NPRL3: variants seen among roughly 807,000 people sequenced by gnomAD.
The protein encoded by NPRL3 is NPR3 like, GATOR1 complex subunit.
Under a neutral mutation model 57.2 loss-of-function variants are expected in NPRL3, and 23 were observed. That is an observed-to-expected ratio of 0.40 (90% CI 0.29 to 0.57). The LOEUF (loss-of-function observed/expected upper bound fraction) is 0.57. Ranked by LOEUF, NPRL3 falls within the 20% of genes least tolerant of loss-of-function variation. NPRL3 has a pLI of 0.42. For synonymous variants in NPRL3, 333 were observed against 321.1 expected, an observed-to-expected ratio of 1.04 and a Z score of -0.39; for missense variants, 691 against 767.1, an observed-to-expected ratio of 0.90 and a Z score of 1.17.
intron 5 of NPRL3, among the ~76,000 whole-genome samples, chr16:114,812 T>C (rs908672338): frequency 1.3e-5 from 2 of 151,982 alleles, no homozygotes; most frequent in Non-Finnish European, 2.9e-5. Flanking sequence ...CTGAAGTATG[T>C]AGGGATGAAC....
At chr16:108,788 A>G (rs1899646416) in intron 7 of NPRL3, among the ~76,000 whole-genome samples, 1 of 152,012 alleles carries the variant, frequency 6.6e-6, no homozygotes, top group Non-Finnish European at 1.5e-5. Context: ...CTTCTGCCTC[A>G]GCCTCCTGAG....
At chr16:134,764 C>T (rs969388526) in intron 2 of NPRL3, among the ~76,000 whole-genome samples, 1 of 139,440 alleles carries the variant, frequency 7.2e-6, no homozygotes, top group South Asian at 2.3e-4. Context: ...TGCAGTGGCG[C>T]GATCTCGGCT....
rs1250640658 is a variant in NPRL3, at chr16:93,234, T to C, written c.1016A>G (p.Asn339Ser). 5.1e-6 allele frequency: 8 copies of C among 1,553,638 alleles called. No individual in the cohort carries two copies. In the East Asian group the frequency reaches 1.2e-4, roughly 24 times the overall value. Reference sequence around the variant, plus strand: ...CAGCACTCACAGACATACGCTGGCATTGGGAGACAGCATGTAGACGTTGTT... The same window carrying C: ...CAGCACTCACAGACATACGCTGGCACTGGGAGACAGCATGTAGACGTTGTT... ...CENNVYMLSPNASVCLYSPLA... is the reference protein window; with the variant it reads ...CENNVYMLSPSASVCLYSPLA... The change falls in exon 10 of 14, where the codon AAT becomes AGT. Residue 339 changes from asparagine to serine, a missense_variant. Physicochemically the swap from Asn to Ser is conservative, Grantham distance 46 (BLOSUM62 1). Coordinates refer to ENST00000611875, the MANE Select transcript of NPRL3 (RefSeq NM_001077350.3).
At position 93,270 on chromosome 16, in the gene NPRL3, G is replaced by A. The variant is rs1898841618; in HGVS notation, c.980C>T (p.Pro327Leu). Residue 327 changes from proline (P) to leucine (L), a missense_variant, in exon 10 of 14, where the codon CCG (proline) becomes CTG (leucine). Coordinates refer to ENST00000611875, the MANE Select transcript of NPRL3 (RefSeq NM_001077350.3). ...VYWGKAIIIY[P>L]LCENNVYMLS... ...CATGTAGACGTTGTTCTCACACAGC[G>A]GGTAGATGATGATGGCCTTGCCCCA... 6.4e-7 allele frequency: 1 copy of A among 1,561,286 alleles called. No individual in the cohort carries two copies. The highest frequency in any genetic ancestry group is 8.7e-7 in the Non-Finnish European group (1 of 1,152,588).
intron 6 of NPRL3, 107 bp from the exon 7 acceptor site, chr16:110,713 A>G (rs906348820): frequency 1.1e-6 from 1 of 875,182 alleles, no homozygotes. Flanking sequence ...ATGTCTGGCT[A>G]ATTTTTTTGT....
intron 10 of NPRL3, 22 bp downstream of exon 10, chr16:93,197 T>G (rs1226362560): frequency 6.7e-7 from 1 of 1,486,888 alleles, no homozygotes; most frequent in South Asian, 1.2e-5. Flanking sequence ...GGCTCCAGGC[T>G]CTGGCAGCCA....
At chr16:130,663 C>G (rs1280650662) in intron 2 of NPRL3, 72 bp from the exon 3 acceptor site, 11 of 1,406,312 alleles carry the variant, frequency 7.8e-6, no homozygotes, top group East Asian at 5.0e-5. Context: ...GTTATGGAAC[C>G]GTTAACAGCC....
In NPRL3 at chr16:117,310, A is replaced by G. The variant is rs779627025; in HGVS notation, c.384T>C (p.Phe128=). 2.5e-6 allele frequency: 4 copies of G among 1,610,516 alleles called. No individual in the cohort carries two copies. In the African/African-American group the frequency reaches 4.0e-5, roughly 16 times the overall value. ...APTMILFNVV[F]ALRANADPSV... is the part of the protein sequence containing the mutation. ...TTATATAAACACTCACCCTCAGTGC[A>G]AACACCACATTAAAAAGAATCATAG... The change falls in exon 5 of 14, where the codon TTT becomes TTC. Residue 128 remains phenylalanine, a synonymous_variant. Coordinates refer to ENST00000611875, the MANE Select transcript of NPRL3 (RefSeq NM_001077350.3).
Position 86,590 on chromosome 16 carries a change from C to G in NPRL3, c.*115G>C. ...GGGCCACGGCCAGCCCGCATCCACC[C>G]AATGCCAGGCCTCAGGGCCAAGAGG... On this transcript the variant is annotated 3_prime_UTR_variant, in exon 14 of 14. Transcript: ENST00000611875. 9.1e-7 allele frequency: 1 copy of G among 1,095,638 alleles called. No individual in the cohort carries two copies. Among genetic ancestry groups the G allele is most frequent in the Non-Finnish European group, 1.3e-6 (1 of 780,690 alleles). The allele number at this position is 1,095,638 out of a possible 1,614,324, so 67.9% of individuals were successfully genotyped here. A position where few individuals can be genotyped will look rare whatever the true frequency, so the allele number is the denominator to read the frequency against.
At chr16:136,417 C>T (rs937464983) in intron 2 of NPRL3, among the ~76,000 whole-genome samples, 3 of 152,242 alleles carry the variant, frequency 2.0e-5, no homozygotes, top group Non-Finnish European at 4.4e-5. Flanking sequence ...AGGCTGGGCG[C>T]GGTGGCTCAC....
chr16:105,394 A>G (rs529923918), intron 7 of NPRL3, among the ~76,000 whole-genome samples: 45 of 152,312 alleles, frequency 3.0e-4, no homozygotes, highest in Non-Finnish European at 5.6e-4. Flanking sequence ...GCTTCCTACC[A>G]TAAGTAGTGG....
chr16:138,117 C>A, intron 2 of NPRL3, 33 bp downstream of exon 2: 1 of 1,528,046 alleles, frequency 6.5e-7, no homozygotes, highest in East Asian at 2.4e-5. Context: ...GCGGCCCCCG[C>A]GAGCGCCAGG....
chr16:89,540 G>A (rs1364639626), intron 12 of NPRL3, 173 bp downstream of exon 12: 6 of 582,510 alleles, frequency 1.0e-5, no homozygotes, highest in South Asian at 2.7e-5. Flanking sequence ...CAGAGTCACG[G>A]TGGTGCTAGG....
rs1899224596 is a variant in NPRL3, at chr16:100,362, G to A, written c.767+10C>T. ...TGGCAGGGAGTGAGCACGTGGGGCT[G>A]GGCACTTACCGGATGGCTTTCAGGC... is the stretch of plus-strand genomic sequence containing the variant. On this transcript the variant is annotated intron_variant, in intron 8 of 13. Transcript: ENST00000611875. 1.3e-6 allele frequency: 2 copies of A among 1,518,616 alleles called. No homozygotes were observed. The highest frequency in any genetic ancestry group is 2.2e-5 in the Admixed American group (1 of 45,894). The allele number at this position is 1,518,616 out of a possible 1,614,324, so 94.1% of individuals were successfully genotyped here.
At chr16:89,986 G>A in intron 11 of NPRL3, 84 bp from the exon 12 acceptor site, 1 of 1,292,508 alleles carries the variant, frequency 7.7e-7, no homozygotes, top group East Asian at 2.7e-5. Context: ...CCCTAGACAT[G>A]GCCACAGCAC....
intron 5 of NPRL3, among the ~76,000 whole-genome samples, chr16:116,255 G>A (rs563347616): frequency 6.6e-6 from 1 of 152,262 alleles, no homozygotes; most frequent in South Asian, 2.1e-4. Context: ...TGTCCCACAG[G>A]GGTTATCGGT....
intron 12 of NPRL3, 56 bp downstream of exon 12, chr16:89,657 G>T: frequency 7.0e-7 from 1 of 1,423,050 alleles, no homozygotes; most frequent in Non-Finnish European, 9.2e-7. Context: ...GAGCCTCCTG[G>T]ATGCCACCCC....
chr16:117,354 G>T lies in NPRL3; in HGVS notation c.340C>A (p.Pro114Thr). The T allele has an allele frequency of 6.2e-7, 1 of 1,610,994 alleles. No homozygotes were observed. Among genetic ancestry groups the T allele is most frequent in the East Asian group, 2.2e-5 (1 of 44,858 alleles). The change falls in exon 5 of 14, where the codon CCG (proline) becomes ACG (threonine). Residue 114 changes from proline (P) to threonine (T), a missense_variant. By Grantham distance (38) the Pro-to-Thr change is conservative. Coordinates refer to ENST00000611875, the MANE Select transcript of NPRL3 (RefSeq NM_001077350.3). ...LGQISKTDPSPKREAPTMILF... is the reference protein window; with the variant it reads ...LGQISKTDPSTKREAPTMILF... Reference sequence around the variant, plus strand: ...ATCATAGTAGGTGCTTCCCTCTTCGGGGAAGGATCTGTTTTGGAGATCTGT... The same window carrying T: ...ATCATAGTAGGTGCTTCCCTCTTCGTGGAAGGATCTGTTTTGGAGATCTGT...
At chr16:107,806 G>C (rs568154577) in intron 7 of NPRL3, among the ~76,000 whole-genome samples, 96 of 152,274 alleles carry the variant, frequency 6.3e-4, no homozygotes, top group African/African-American at 2.1e-3. Flanking sequence ...GGGACTACAG[G>C]AGCACACCAC....
Sources: allele counts gnomAD v4.1 joint callset (sites outside exome capture counted in the v4.1 genomes callset), GRCh38; gene constraint gnomAD v4.1.1; transcripts MANE v1.5; gene names NCBI Gene and HGNC (gene_info 2026-07-23, HGNC 2026-07-21).